Variants in AKAP9 observed in about 807,000 individuals in gnomAD.
AKAP9 encodes A-kinase anchoring protein 9, also known as A-kinase anchor protein 9.
Under a neutral mutation model 488.5 loss-of-function variants are expected in AKAP9, and 311 were observed. The observed-to-expected ratio is 0.64, with a 90% CI of 0.58 to 0.70. The LOEUF (loss-of-function observed/expected upper bound fraction) is 0.70. AKAP9 is among the 30% of genes least tolerant of loss of function. The probability of loss-of-function intolerance (pLI) is 0.00; values close to 1 mark genes in which losing one functional copy is unlikely to be tolerated. For missense variants in AKAP9, 4,215 were observed against 4,374.5 expected, an observed-to-expected ratio of 0.96 and a Z score of 1.03; for synonymous variants, 1,462 against 1,483.5, an observed-to-expected ratio of 0.99 and a Z score of 0.33.
intron 1 of AKAP9, among the ~76,000 whole-genome samples, chr7:91,965,196 T>A (rs6942649): frequency 1.3e-5 from 2 of 151,960 alleles, no homozygotes; most frequent in Non-Finnish European, 2.9e-5. Context: ...CTTCTCCACC[T>A]TCCTACTCTT....
chr7:92,020,382 G>C (rs931575955), intron 12 of AKAP9, among the ~76,000 whole-genome samples: 1 of 152,116 alleles, frequency 6.6e-6, no homozygotes, highest in African/African-American at 2.4e-5. Flanking sequence ...GCTTGTTCCA[G>C]TTGGTTCAAA....
chr7:91,970,536 T>C (rs1335460923), intron 1 of AKAP9: 3 of 455,480 alleles, frequency 6.6e-6, no homozygotes, highest in Admixed American at 4.7e-5. Context: ...CTCTCAGCTT[T>C]TGTTTGTCTG....
chr7:92,033,373 A>T (rs1449320391), intron 16 of AKAP9, among the ~76,000 whole-genome samples: 1 of 151,460 alleles, frequency 6.6e-6, no homozygotes, highest in Non-Finnish European at 1.5e-5. Context: ...CGATGGGATT[A>T]TGCTGTACTC....
chr7:92,094,967 CATT>C, intron 39 of AKAP9, 53 bp from the exon 40 acceptor site: 1 of 1,549,684 alleles, frequency 6.5e-7, no homozygotes, highest in Non-Finnish European at 8.9e-7. Flanking sequence ...TTCTCTCTCT[CATT>C]ATATGCTTCG....
intron 24 of AKAP9, chr7:92,063,408 A>G: frequency 1.1e-6 from 1 of 939,134 alleles, no homozygotes. Context: ...AGTAGAAGAC[A>G]TATAAATTAT....
At chr7:92,054,622 G>A (rs74914886) in intron 22 of AKAP9, among the ~76,000 whole-genome samples, 24 of 152,172 alleles carry the variant, frequency 1.6e-4, no homozygotes, top group African/African-American at 5.3e-4. Flanking sequence ...CTTATAGGCT[G>A]ATTGGGTGAT....
At chr7:91,985,813 A>G (rs1281551061) in intron 3 of AKAP9, among the ~76,000 whole-genome samples, 1 of 152,016 alleles carries the variant, frequency 6.6e-6, no homozygotes, top group Non-Finnish European at 1.5e-5. Context: ...ATATCTGGCT[A>G]ATTTTTCGTA....
rs747658912 is a variant in AKAP9 at position 92,079,239 on chromosome 7, A to G, written c.7106A>G (p.Lys2369Arg). 1.9e-6 allele frequency: 3 copies of G among 1,614,120 alleles called. No individual in the cohort carries two copies. Among genetic ancestry groups the G allele is most frequent in the Non-Finnish European group, 2.5e-6 (3 of 1,180,004 alleles). The change falls in exon 31 of 50, where the codon AAG becomes AGG. Residue 2369 changes from lysine (K) to arginine (R), a missense_variant. Lys to Arg is a conservative substitution (Grantham distance 26). Transcript: ENST00000356239. The part of the protein sequence containing the change: ...LQQELANIGQ[K>R]TSMNAHSLSE... The stretch of plus-strand genomic sequence containing the variant: ...CAGGAATTGGCAAATATTGGACAGA[A>G]GACATCAATGAATGCTCATTCCCTC...
At position 92,025,658 on chromosome 7, in the gene AKAP9, G is replaced by A. The variant is rs570159857; in HGVS notation, c.4148+2649G>A. 3.9e-5 allele frequency among the ~76,000 whole-genome samples: 6 copies of A among 152,262 alleles called. No individual in the cohort carries two copies. In the South Asian group the frequency reaches 1.0e-3, roughly 26 times the overall value. ...GAAAGATCATGGGTTTTAGTCAGACGGATCTGCATTTGACCCTGATTTGAC... is the reference window on the plus strand; with the variant it reads ...GAAAGATCATGGGTTTTAGTCAGACAGATCTGCATTTGACCCTGATTTGAC... On this transcript the variant is annotated intron_variant, in intron 14 of 49. Transcript: ENST00000356239.
At chr7:92,006,256 TC>T (rs567355366) in intron 8 of AKAP9, among the ~76,000 whole-genome samples, 2 of 152,028 alleles carry the variant, frequency 1.3e-5, no homozygotes, top group South Asian at 4.2e-4. Context: ...ACTCAGGTGA[TC>T]CTCTCACCTC....
intron 43 of AKAP9, among the ~76,000 whole-genome samples, chr7:92,099,296 A>C (rs1783588827): frequency 6.6e-6 from 1 of 152,146 alleles, no homozygotes; most frequent in South Asian, 2.1e-4. Flanking sequence ...CCTGACTCGA[A>C]GATTATATCT....
rs751230962 is a variant in AKAP9 at position 92,083,160 on chromosome 7, T to G, written c.8161-10T>G. On this transcript the variant is annotated splice_polypyrimidine_tract_variant and intron_variant, in intron 32 of 49. Coordinates refer to ENST00000356239, the MANE Select transcript of AKAP9 (RefSeq NM_005751.5). ...CTGAATGCCCTACTGTTCTATTCATTACGTTTTAGGTAAAAGAAACAAATA... is the reference window on the plus strand; with the variant it reads ...CTGAATGCCCTACTGTTCTATTCATGACGTTTTAGGTAAAAGAAACAAATA... The G allele has an allele frequency of 6.2e-7, 1 of 1,613,664 alleles. No individual in the cohort carries two copies. The highest frequency in any genetic ancestry group is 1.7e-5 in the Admixed American group (1 of 59,998).
chr7:91,969,513 T>C (rs73403735), intron 1 of AKAP9, among the ~76,000 whole-genome samples: 5,242 of 152,262 alleles, frequency 0.034, 265 homozygotes, highest in African/African-American at 0.11. Context: ...GGTATTTAAG[T>C]TCCCTATATT....
rs1156452407 is a variant in AKAP9 at position 92,096,721 on chromosome 7, A to G, written c.9762A>G (p.Gln3254=). The change falls in exon 41 of 50, where the codon CAA becomes CAG. Residue 3254 remains glutamine, a synonymous_variant. Coordinates refer to ENST00000356239, the MANE Select transcript of AKAP9 (RefSeq NM_005751.5). ...DLKFSLESQK[Q]RNLQLNLLLE... ...AGTTTTCACTTGAGAGTCAGAAACA[A>G]AGGAATCTTCAGCTAAATCTACTTT... 1.9e-6 allele frequency: 3 copies of G among 1,614,030 alleles called. No homozygotes were observed. The highest frequency in any genetic ancestry group is 4.5e-5 in the East Asian group (2 of 44,900).
At chr7:92,040,646 G>T (rs1051995406) in intron 17 of AKAP9, 28 bp from the exon 18 acceptor site, 368 of 1,118,822 alleles carry the variant, frequency 3.3e-4, no homozygotes, top group African/African-American at 7.5e-4. Flanking sequence ...TGGTTGAATT[G>T]TTTTTTTTTT....
In AKAP9 at chr7:92,080,151, A is replaced by G. The variant is rs1248370802; in HGVS notation, c.8018A>G (p.Lys2673Arg). The G allele has an allele frequency of 1.3e-5, 21 of 1,574,100 alleles. No homozygotes were observed. The highest frequency in any genetic ancestry group is 1.7e-5 in the Non-Finnish European group (20 of 1,165,748). The change falls in exon 31 of 50, where the codon AAG becomes AGG. Residue 2673 changes from lysine to arginine, a missense_variant and splice_region_variant. Around this residue, in one of 5 missense-constraint regions of AKAP9, gnomAD observed 1,476 missense variants for 1,477.4 expected, o/e 1.00. Coordinates refer to ENST00000356239, the MANE Select transcript of AKAP9 (RefSeq NM_005751.5). ...KRSPQDVEVL[K>R]TTTELFHSNE... is the part of the protein sequence containing the mutation. Reference sequence around the variant, plus strand: ...AGCCCTCAAGATGTTGAAGTTCTCAAGGTTAGTTTTGTATTTTATTAGTTT... The same window carrying G: ...AGCCCTCAAGATGTTGAAGTTCTCAGGGTTAGTTTTGTATTTTATTAGTTT...
At chr7:91,981,603 CTTTTTTTT>C (rs532220900) in intron 3 of AKAP9, among the ~76,000 whole-genome samples, 8 of 106,640 alleles carry the variant, frequency 7.5e-5, no homozygotes, top group South Asian at 3.2e-4. Flanking sequence ...TCTTGTATTT[CTTTTTTTT>C]TTTTTTTTTT....
Position 92,104,819 on chromosome 7 carries a change from GCA to G in AKAP9, c.11331-858_11331-857del, listed in dbSNP as rs1240856141. 1.5e-4 allele frequency among the ~76,000 whole-genome samples: 23 copies of G among 152,262 alleles called. No homozygotes were observed. The South Asian group carries it at 4.6e-3, about 30-fold the overall frequency. ...TAAACCAGGGTAAGTGCTGGTAGAT[GCA>G]TTGATGAAAAAATATATAATCCTGC... On this transcript the variant is annotated intron_variant, in intron 46 of 49. Coordinates refer to ENST00000356239, the MANE Select transcript of AKAP9 (RefSeq NM_005751.5).
chr7:91,990,043 C>T (rs1490270006), intron 3 of AKAP9, among the ~76,000 whole-genome samples: 1 of 151,916 alleles, frequency 6.6e-6, no homozygotes, highest in East Asian at 1.9e-4. Context: ...TTGTACTTTC[C>T]CAGATCTTTA....
Sources: gnomAD v4.1 joint callset for allele counts (sites outside exome capture counted in the v4.1 genomes callset) on GRCh38, gnomAD v4.1.1 for gene constraint, gnomAD v4.1.1 regional missense constraint, MANE v1.5 for transcripts, NCBI Gene and HGNC (gene_info 2026-07-23, HGNC 2026-07-21) for gene names.